GNAI2: variants seen among roughly 807,000 people sequenced by gnomAD.
The protein encoded by GNAI2 is G protein subunit alpha i2.
In GNAI2, 4 loss-of-function variants were observed where a neutral mutation model predicts 36.8. The observed-to-expected ratio is 0.11, with a 90% CI of 0.05 to 0.25. The LOEUF (loss-of-function observed/expected upper bound fraction) is 0.25, where lower values mean the gene tolerates loss of function less well. Ranked by LOEUF, GNAI2 falls within the 10% of genes least tolerant of loss-of-function variation. GNAI2 has a pLI of 1.00. For synonymous variants in GNAI2, 194 were observed against 194.1 expected, an observed-to-expected ratio of 1.00 and a Z score of 0.01; for missense variants, 230 against 481.3, an observed-to-expected ratio of 0.48 and a Z score of 4.89.
In GNAI2 at chr3:50,251,753, C is replaced by T. The variant is rs889015445; in HGVS notation, c.119-347C>T. 2.3e-6 allele frequency: 3 copies of T among 1,318,142 alleles called. No homozygotes were observed. The African/African-American group carries it at 4.5e-5, about 20-fold the overall frequency. The allele number at this position is 1,318,142 out of a possible 1,614,324, so 81.7% of individuals were successfully genotyped here. A position where few individuals can be genotyped will look rare whatever the true frequency, so the allele number is the denominator to read the frequency against. On this transcript the variant is annotated intron_variant, in intron 1 of 8. Transcript: ENST00000313601. Reference sequence around the variant, plus strand: ...TGCACCAGCTGCACAGGTTGGCGAGCCTATGTATGTGAGAACAGGGTGGCT... The same window carrying T: ...TGCACCAGCTGCACAGGTTGGCGAGTCTATGTATGTGAGAACAGGGTGGCT...
At chr3:50,248,439 C>T (rs747984789) in intron 1 of GNAI2, among the ~76,000 whole-genome samples, 3 of 152,158 alleles carry the variant, frequency 2.0e-5, no homozygotes, top group African/African-American at 7.2e-5. Context: ...TGCCAGGGCA[C>T]TTAGCCTGTG....
In GNAI2 at chr3:50,257,079, C is replaced by T. The variant is rs1553703340; in HGVS notation, c.866C>T (p.Pro289Leu). The change falls in exon 7 of 9, where the codon CCT becomes CTT. Residue 289 changes from proline (P) to leucine (L), a missense_variant. Physicochemically the swap from Pro to Leu is moderately conservative, Grantham distance 98. Transcript: ENST00000313601. ...CACAGTCCCCTGACCATCTGCTTCC[C>T]TGAGTACACAGGTGTGGGGACTGTG... is the stretch of plus-strand genomic sequence containing the variant. ...ITHSPLTICF[P>L]EYTGANKYDE... The T allele has an allele frequency of 6.2e-7, 1 of 1,613,950 alleles. No homozygotes were observed. Among genetic ancestry groups the T allele is most frequent in the Non-Finnish European group, 8.5e-7 (1 of 1,179,916 alleles).
At chr3:50,250,769 A>G (rs1426562243) in intron 1 of GNAI2, among the ~76,000 whole-genome samples, 1 of 151,084 alleles carries the variant, frequency 6.6e-6, no homozygotes, top group East Asian at 1.9e-4. Flanking sequence ...TGCACTCCTC[A>G]AGATCTGGCT....
At chr3:50,256,877 G>C in intron 6 of GNAI2, 25 bp downstream of exon 6, 1 of 1,613,874 alleles carries the variant, frequency 6.2e-7, no homozygotes, top group Non-Finnish European at 8.5e-7. Flanking sequence ...GAATGCTGCG[G>C]GTGGGGGCAG....
At position 50,252,615 on chromosome 3, in the gene GNAI2, A is replaced by G. The variant is rs1420075126; in HGVS notation, c.303+77A>G. ...GCTGGTTGTGGTGGCTCATGCCTAT[A>G]AATCCCAGCACTTTGGGACGCCGAG... On this transcript the variant is annotated intron_variant, in intron 3 of 8. Transcript: ENST00000313601. The surrounding 1 kb of genome is among the most constrained non-coding windows in gnomAD (Gnocchi z 4.1). 3.2e-6 allele frequency: 4 copies of G among 1,261,118 alleles called. No individual in the cohort carries two copies. Among genetic ancestry groups the G allele is most frequent in the Non-Finnish European group, 3.4e-6 (3 of 888,132 alleles). 78.1% of individuals were successfully genotyped at this position (1,261,118 alleles called of 1,614,324 possible).
intron 1 of GNAI2, among the ~76,000 whole-genome samples, chr3:50,246,171 T>C (rs1451903657): frequency 6.6e-6 from 1 of 152,210 alleles, no homozygotes; most frequent in African/African-American, 2.4e-5. Flanking sequence ...TGGCGGGGTC[T>C]CTGCCCCTCC....
At chr3:50,258,031 G>A in intron 8 of GNAI2, 1 of 231,574 alleles carries the variant, frequency 4.3e-6, no homozygotes, top group South Asian at 1.4e-4. Context: ...CAGGCCATTG[G>A]CCCAGCCTGC....
rs1421056274 is a variant in GNAI2 at position 50,241,512 on chromosome 3, G to A, written c.118+5059G>A. Among the ~76,000 whole-genome samples, 1 of 152,216 alleles carries A rather than the reference G, an allele frequency of 6.6e-6. No individual in the cohort carries two copies. The highest frequency in any genetic ancestry group is 1.5e-5 in the Non-Finnish European group (1 of 68,032). ...CAGCCAACATGAGGTCATACCTCTA[G>A]GGTAGGAGTGAGACTAGGTCCTTTA... On this transcript the variant is annotated intron_variant, in intron 1 of 8. Transcript: ENST00000313601. This position sits in a 1 kb window ranked among gnomAD's most constrained non-coding sequence, Gnocchi z 5.0.
intron 1 of GNAI2, among the ~76,000 whole-genome samples, chr3:50,244,025 CTTTTTTTTT>C (rs782681282): frequency 8.3e-6 from 1 of 120,414 alleles, no homozygotes; most frequent in Non-Finnish European, 1.7e-5. Flanking sequence ...CCCTCCACTC[CTTTTTTTTT>C]TTTTTTTTTT....
Position 50,252,978 on chromosome 3 carries a change from G to C in GNAI2, c.304-46G>C, listed in dbSNP as rs372525638. On this transcript the variant is annotated intron_variant, in intron 3 of 8. Coordinates refer to ENST00000313601, the MANE Select transcript of GNAI2 (RefSeq NM_002070.4). The surrounding 1 kb of genome is among the most constrained non-coding windows in gnomAD (Gnocchi z 4.1). ...GAGGTCTCCCTGCCTCTGGCAGAGT[G>C]GGGGTACATTCCTTCAACTGCCTGA... 1 of 1,517,972 alleles carries C rather than the reference G, an allele frequency of 6.6e-7. No homozygotes were observed. Among genetic ancestry groups the C allele is most frequent in the Non-Finnish European group, 9.0e-7 (1 of 1,115,152 alleles). The allele number at this position is 1,517,972 out of a possible 1,614,324, so 94.0% of individuals were successfully genotyped here. A position where few individuals can be genotyped will look rare whatever the true frequency, so the allele number is the denominator to read the frequency against.
At chr3:50,240,918 CAAAA>C (rs11302773) in intron 1 of GNAI2, among the ~76,000 whole-genome samples, 4 of 86,738 alleles carry the variant, frequency 4.6e-5, no homozygotes, top group Non-Finnish European at 9.4e-5. Context: ...GACTCTGTCT[CAAAA>C]AAAAAAAAAA....
chr3:50,232,602 G>A (rs1553699898), upstream of GNAI2, among the ~76,000 whole-genome samples: 1 of 152,212 alleles, frequency 6.6e-6, no homozygotes, highest in African/African-American at 2.4e-5. Context: ...TCCAACTGCT[G>A]CAGAGTCCAA....
At chr3:50,239,460 C>T (rs1553700765) in intron 1 of GNAI2, among the ~76,000 whole-genome samples, 1 of 152,218 alleles carries the variant, frequency 6.6e-6, no homozygotes, top group Non-Finnish European at 1.5e-5. Flanking sequence ...GACTGCAGGG[C>T]AGGGCTAAGT....
rs1022418760 is a variant in GNAI2, at chr3:50,252,017, G to C, written c.119-83G>C. ...GTGGGAAGGTTAGTTCTGCCTCCTG[G>C]GCTACAGGTGTCTGGGCATTTGTTC... On this transcript the variant is annotated intron_variant, in intron 1 of 8. Transcript: ENST00000313601. The surrounding 1 kb of genome is among the most constrained non-coding windows in gnomAD (Gnocchi z 4.1). The C allele has an allele frequency of 1.2e-5, 16 of 1,363,990 alleles. No homozygotes were observed. In the Admixed American group the frequency reaches 2.1e-4, roughly 18 times the overall value. 84.5% of individuals were successfully genotyped at this position (1,363,990 alleles called of 1,614,324 possible).
rs1700576109 is a variant in GNAI2 at position 50,252,209 on chromosome 3, C to G, written c.161+67C>G. The G allele has an allele frequency of 6.7e-7, 1 of 1,491,390 alleles. No homozygotes were observed. Among genetic ancestry groups the G allele is most frequent in the Non-Finnish European group, 9.3e-7 (1 of 1,075,386 alleles). The allele number at this position is 1,491,390 out of a possible 1,614,324, so 92.4% of individuals were successfully genotyped here. On this transcript the variant is annotated intron_variant, in intron 2 of 8. Transcript: ENST00000313601. This position sits in a 1 kb window ranked among gnomAD's most constrained non-coding sequence, Gnocchi z 4.1. ...CCCCTCTTCACCCTCTGGGCCTGCA[C>G]TGCCCCCGACTACAGGCCCAGCCAG...
chr3:50,231,323 G>C (rs142889002), upstream of GNAI2, among the ~76,000 whole-genome samples: 1 of 152,214 alleles, frequency 6.6e-6, no homozygotes, highest in Non-Finnish European at 1.5e-5. Flanking sequence ...TCTGTTGCCG[G>C]GCTGGAGGGC....
upstream of GNAI2, chr3:50,236,168 C>G (rs1294047302): frequency 6.0e-5 from 70 of 1,167,958 alleles, no homozygotes; most frequent in Non-Finnish European, 7.3e-5. The surrounding 1 kb of genome is among the most constrained non-coding windows in gnomAD (Gnocchi z 4.0). Flanking sequence ...GCCCGCCCCG[C>G]CGTCGGTGCG....
upstream of GNAI2, chr3:50,229,085 G>A (rs587700782): frequency 1.3e-5 from 2 of 152,318 alleles, no homozygotes; most frequent in South Asian, 4.1e-4. Flanking sequence ...ATTCCAGGAA[G>A]CAGTGCTAAT....
chr3:50,240,139 T>C (rs1700266348), intron 1 of GNAI2, among the ~76,000 whole-genome samples: 1 of 152,186 alleles, frequency 6.6e-6, no homozygotes. Context: ...GGAGTAAGTA[T>C]AATCCTGGGG....
Sources: allele counts gnomAD v4.1 joint callset (sites outside exome capture counted in the v4.1 genomes callset), GRCh38; gene constraint gnomAD v4.1.1; non-coding constraint Gnocchi (gnomAD v3.1); transcripts MANE v1.5; gene names NCBI Gene and HGNC (gene_info 2026-07-23, HGNC 2026-07-21).